The following CREB3L1 variants were observed in gnomAD, a reference collection of about 807,000 sequenced individuals.
CREB3L1 encodes cAMP responsive element binding protein 3 like 1.
Under a neutral mutation model 54.5 loss-of-function variants are expected in CREB3L1, and 33 were observed. The observed-to-expected ratio is 0.61, with a 90% CI of 0.46 to 0.81. The LOEUF (loss-of-function observed/expected upper bound fraction) is 0.81, where lower values mean the gene tolerates loss of function less well. Ranked by LOEUF, CREB3L1 falls within the 30% of genes least tolerant of loss-of-function variation. CREB3L1 has a pLI of 0.00. For missense variants in CREB3L1, 656 were observed against 673.3 expected (o/e 0.97, Z 0.29); for synonymous variants, 284 against 286.4 (o/e 0.99, Z 0.08).
intron 3 of CREB3L1, among the ~76,000 whole-genome samples, chr11:46,308,673 C>T (rs1939439286): frequency 1.3e-5 from 2 of 152,252 alleles, no homozygotes; most frequent in Non-Finnish European, 2.9e-5. Context: ...TGGGATTCCA[C>T]AGGATGAGCA....
At chr11:46,282,258 C>A (rs1226314073) in intron 1 of CREB3L1, among the ~76,000 whole-genome samples, 4 of 152,146 alleles carry the variant, frequency 2.6e-5, no homozygotes, top group Admixed American at 2.6e-4. Context: ...GTCCTGCAGA[C>A]CCTGCACTGT....
In CREB3L1 at chr11:46,283,162, GCCTGGGCAACAAAGCCAGA is replaced by G. The variant is rs1405611428; in HGVS notation, c.102+4952_102+4970del. On this transcript the variant is annotated intron_variant, in intron 1 of 11. Transcript: ENST00000621158. ...GCCATAATGGCATCACTGCACTCCAGCCTGGGCAACAAAGCCAGACCCTGTCTCTAAAAGTAATAATAAT... is the reference window on the plus strand; with the variant it reads ...GCCATAATGGCATCACTGCACTCCAGCCCTGTCTCTAAAAGTAATAATAAT... 2.6e-5 allele frequency among the ~76,000 whole-genome samples: 4 copies of G among 152,282 alleles called. No individual in the cohort carries two copies. In the South Asian group the frequency reaches 6.2e-4, roughly 24 times the overall value.
rs1938918969 is a variant in CREB3L1, at chr11:46,278,707, C to G, written c.102+494C>G. Among the ~76,000 whole-genome samples, 1 of 152,216 alleles carries G rather than the reference C, an allele frequency of 6.6e-6. No homozygotes were observed. The highest frequency in any genetic ancestry group is 2.1e-4 in the South Asian group (1 of 4,836). On this transcript the variant is annotated intron_variant, in intron 1 of 11. Transcript: ENST00000621158. This position sits in a 1 kb window ranked among gnomAD's most constrained non-coding sequence, Gnocchi z 4.2. ...AAATTTCAGGGTGCTACCCTGGCAG[C>G]CCCAGGGAATCAGGCCCAGAGACCC...
At chr11:46,316,520 T>C in intron 9 of CREB3L1, 135 bp downstream of exon 9, 1 of 637,754 alleles carries the variant, frequency 1.6e-6, no homozygotes. Context: ...TCCTGGCGCC[T>C]GGTGGGCTGG....
At chr11:46,307,726 C>G in intron 2 of CREB3L1, 90 bp from the exon 3 acceptor site, 2 of 1,160,182 alleles carry the variant, frequency 1.7e-6, no homozygotes, top group Non-Finnish European at 2.4e-6. Context: ...TAACAGCTCT[C>G]TTCAGTTCAG....
chr11:46,320,455 G>T lies in CREB3L1; in HGVS notation c.1450G>T (p.Glu484Ter). Residue 484 changes from glutamate to a stop codon, truncating the protein, a stop_gained, in exon 11 of 12, where the codon GAG (glutamate) becomes TAG (stop). Coordinates refer to ENST00000621158, the MANE Select transcript of CREB3L1 (RefSeq NM_052854.4). LOFTEE classifies it high-confidence loss of function. ...CCACGAGACCACCAAGTACCTGAGT[G>T]AGGCCTGGCCTAAAGACGGTGGAAA... ...STHETTKYLS[E>*]AWPKDGGNGT... is the part of the protein sequence containing the mutation. The T allele has an allele frequency of 6.2e-7, 1 of 1,607,646 alleles. No individual in the cohort carries two copies.
intron 1 of CREB3L1, among the ~76,000 whole-genome samples, chr11:46,290,085 C>T (rs1031508931): frequency 6.6e-5 from 10 of 152,186 alleles, no homozygotes; most frequent in East Asian, 1.9e-4. Flanking sequence ...ATGTGACTCT[C>T]GCACTGGGCC....
chr11:46,307,867 T>C lies in CREB3L1; in HGVS notation c.383T>C (p.Val128Ala), dbSNP rs768018053. ...ALGHKLCSIM[V>A]KQEQSPELPV... ...GGACACAAACTGTGCTCCATCATGGTGAAGCAGGAGCAGAGCCCGGAGCTG... is the reference window on the plus strand; with the variant it reads ...GGACACAAACTGTGCTCCATCATGGCGAAGCAGGAGCAGAGCCCGGAGCTG... The change falls in exon 3 of 12, where the codon GTG (valine) becomes GCG (alanine). Residue 128 changes from valine to alanine, a missense_variant. By Grantham distance (64) the Val-to-Ala change is moderately conservative (BLOSUM62 0). Around this residue, in one of 3 missense-constraint regions of CREB3L1, gnomAD observed 339 missense variants for 331.5 expected, o/e 1.02. Coordinates refer to ENST00000621158, the MANE Select transcript of CREB3L1 (RefSeq NM_052854.4). The C allele has an allele frequency of 1.3e-6, 2 of 1,583,166 alleles. No homozygotes were observed. The highest frequency in any genetic ancestry group is 1.2e-5 in the South Asian group (1 of 86,388).
At chr11:46,315,922 C>T (rs924590222) in intron 8 of CREB3L1, 2 of 237,848 alleles carry the variant, frequency 8.4e-6, no homozygotes, top group Non-Finnish European at 1.7e-5. Context: ...TTCTTATCAG[C>T]TCAGGGTGCT....
At chr11:46,306,147 G>A (rs1019845652) in intron 2 of CREB3L1, among the ~76,000 whole-genome samples, 7 of 151,918 alleles carry the variant, frequency 4.6e-5, no homozygotes, top group Non-Finnish European at 7.4e-5. Context: ...GGGCTCAAGC[G>A]ATCCTCCTGC....
At chr11:46,294,089 A>G (rs1939169176) in intron 1 of CREB3L1, among the ~76,000 whole-genome samples, 1 of 152,140 alleles carries the variant, frequency 6.6e-6, no homozygotes. Flanking sequence ...CCTGTGTACA[A>G]AGGAACCCCT....
intron 1 of CREB3L1, among the ~76,000 whole-genome samples, chr11:46,281,595 G>A (rs1206623586): frequency 1.3e-5 from 2 of 152,224 alleles, no homozygotes; most frequent in African/African-American, 4.8e-5. Context: ...TGGGAGTGAC[G>A]GGGACCCAGG....
Position 46,278,419 on chromosome 11 carries a change from G to A in CREB3L1, c.102+206G>A, listed in dbSNP as rs1938912616. Reference sequence around the variant, plus strand: ...TGAATACACTGGCCTCCACCTTCTAGGGGGAAGGGGCCATCGAGGTATCGG... The same window carrying A: ...TGAATACACTGGCCTCCACCTTCTAAGGGGAAGGGGCCATCGAGGTATCGG... On this transcript the variant is annotated intron_variant, in intron 1 of 11. Coordinates refer to ENST00000621158, the MANE Select transcript of CREB3L1 (RefSeq NM_052854.4). The surrounding 1 kb of genome is among the most constrained non-coding windows in gnomAD (Gnocchi z 4.2). Among the ~76,000 whole-genome samples, 1 of 152,224 alleles carries A rather than the reference G, an allele frequency of 6.6e-6. No homozygotes were observed. The highest frequency in any genetic ancestry group is 1.5e-5 in the Non-Finnish European group (1 of 68,030).
chr11:46,305,690 A>ATGTGTGTGTGTATATATGTGTG (rs1555222406), intron 2 of CREB3L1, among the ~76,000 whole-genome samples: 1 of 111,610 alleles, frequency 9.0e-6, no homozygotes, highest in African/African-American at 3.4e-5. Flanking sequence ...GTGTGTATAT[A>ATGTGTGTGTGTATATATGTGTG]TGTGTGTGTG....
At chr11:46,310,089 G>T in intron 4 of CREB3L1, 22 bp downstream of exon 4, 2 of 1,541,176 alleles carry the variant, frequency 1.3e-6, no homozygotes, top group Non-Finnish European at 1.8e-6. Context: ...CAGGGGAAGG[G>T]CTCTTTTCCC....
chr11:46,312,878 T>A lies in CREB3L1; in HGVS notation c.990T>A (p.Asn330Lys), dbSNP rs370927795. Residue 330 changes from asparagine (N) to lysine (K), a missense_variant, in exon 8 of 12, where the codon AAT becomes AAA. By Grantham distance (94) the Asn-to-Lys change is moderately conservative. Around this residue, in one of 3 missense-constraint regions of CREB3L1, gnomAD observed 77 missense variants for 122.0 expected, o/e 0.63. Transcript: ENST00000621158. Reference sequence around the variant, plus strand: ...TGGAGACATTTACATCTGAGAACAATGAACTGTGGAAGAAGGTGGAGACCC... The same window carrying A: ...TGGAGACATTTACATCTGAGAACAAAGAACTGTGGAAGAAGGTGGAGACCC... Reference protein sequence around the residue: ...KKVETFTSENNELWKKVETLE... With the variant: ...KKVETFTSENKELWKKVETLE... 6.3e-7 allele frequency: 1 copy of A among 1,593,260 alleles called. No homozygotes were observed. The highest frequency in any genetic ancestry group is 1.1e-5 in the South Asian group (1 of 87,594).
intron 3 of CREB3L1, among the ~76,000 whole-genome samples, chr11:46,308,577 C>A (rs1030416369): frequency 6.6e-6 from 1 of 152,228 alleles, no homozygotes; most frequent in South Asian, 2.1e-4. Flanking sequence ...AGTCCCAACT[C>A]GGTGCCTCCT....
In CREB3L1 at chr11:46,321,248, G is replaced by A. The variant is rs564020302; in HGVS notation, c.*502G>A. The A allele has an allele frequency of 7.9e-5, 24 of 304,850 alleles. No individual in the cohort carries two copies. Among genetic ancestry groups the A allele is most frequent in the East Asian group, 5.5e-4 (12 of 21,730 alleles). 18.9% of individuals were successfully genotyped at this position (304,850 alleles called of 1,614,324 possible). On this transcript the variant is annotated 3_prime_UTR_variant, in exon 12 of 12. Coordinates refer to ENST00000621158, the MANE Select transcript of CREB3L1 (RefSeq NM_052854.4). ...GTTTTATATTTTATGAAGTTAGTGC[G>A]GGCTTTGCTGCTCCCTGGCCCAGGA... is the stretch of plus-strand genomic sequence containing the variant.
At chr11:46,300,798 G>A (rs1477690779) in intron 2 of CREB3L1, among the ~76,000 whole-genome samples, 3 of 151,672 alleles carry the variant, frequency 2.0e-5, no homozygotes, top group Admixed American at 2.0e-4. Flanking sequence ...TAGGTCAGGA[G>A]ATCGAGACCA....
Sources: gnomAD v4.1 joint callset for allele counts (sites outside exome capture counted in the v4.1 genomes callset) on GRCh38, gnomAD v4.1.1 for gene constraint, gnomAD v4.1.1 regional missense constraint, Gnocchi (gnomAD v3.1) non-coding constraint, MANE v1.5 for transcripts, NCBI Gene and HGNC (gene_info 2026-07-23, HGNC 2026-07-21) for gene names.